Variants in PHACTR1 observed in about 807,000 individuals in gnomAD.
The protein encoded by PHACTR1 is phosphatase and actin regulator 1.
PHACTR1 carries 16 observed loss-of-function variants against 69.2 expected under a neutral mutation model. The ratio of observed to expected loss-of-function variants is 0.23; its 90% CI spans 0.16 to 0.35. The LOEUF is 0.35. Among genes scored for constraint, PHACTR1 ranks in the 10% least tolerant of loss-of-function variants. The pLI is 1.00. For missense variants in PHACTR1, 510 were observed against 734.7 expected, an observed-to-expected ratio of 0.69 and a Z score of 3.54; for synonymous variants, 312 against 284.5, an observed-to-expected ratio of 1.10 and a Z score of -0.97.
rs116844327 is a variant in PHACTR1 at position 12,780,611 on chromosome 6, C to A, written c.250+30821C>A. On this transcript the variant is annotated intron_variant, in intron 4 of 14. Transcript: ENST00000332995. Reference sequence around the variant, plus strand: ...TAGTACACATCGCTAATACCTCTCTCATTTGCATGCATAATGACCAACTCT... The same window carrying A: ...TAGTACACATCGCTAATACCTCTCTAATTTGCATGCATAATGACCAACTCT... Among the ~76,000 whole-genome samples the A allele has an allele frequency of 2.8e-4, 42 of 152,310 alleles. No homozygotes were observed. In the East Asian group the frequency reaches 8.1e-3, roughly 29 times the overall value.
At position 13,206,036 on chromosome 6, in the gene PHACTR1, C is replaced by A; in HGVS notation, c.886C>A (p.Leu296Ile). The change falls in exon 8 of 15, where the codon CTC becomes ATC. Residue 296 changes from leucine to isoleucine, a missense_variant. Around this residue, in one of 2 missense-constraint regions of PHACTR1, gnomAD observed 419 missense variants for 530.9 expected, o/e 0.79. Transcript: ENST00000332995. ...QLQYGSHGQHLPSTTGSLPMH... is the reference protein window; with the variant it reads ...QLQYGSHGQHIPSTTGSLPMH... ...GCAGTACGGCAGCCACGGCCAGCAC[C>A]TCCCCTCCACCACCGGCTCCCTCCC... 1.2e-6 allele frequency: 2 copies of A among 1,613,966 alleles called. No individual in the cohort carries two copies. Among genetic ancestry groups the A allele is most frequent in the Non-Finnish European group, 1.7e-6 (2 of 1,179,880 alleles).
At chr6:13,073,900 T>A (rs1371366455) in intron 5 of PHACTR1, among the ~76,000 whole-genome samples, 1 of 149,244 alleles carries the variant, frequency 6.7e-6, no homozygotes, top group Non-Finnish European at 1.5e-5. Flanking sequence ...TGAGATGGAG[T>A]CTTGCCGTGT....
chr6:13,157,915 G>A (rs951526298), intron 5 of PHACTR1, among the ~76,000 whole-genome samples: 2 of 151,606 alleles, frequency 1.3e-5, no homozygotes, highest in African/African-American at 2.4e-5. Context: ...CAGAGTCTCC[G>A]TGGGTTGCCC....
intron 7 of PHACTR1, among the ~76,000 whole-genome samples, chr6:13,189,220 ATTG>A (rs1763187684): frequency 6.6e-6 from 1 of 152,172 alleles, no homozygotes; most frequent in African/African-American, 2.4e-5. Context: ...ACTCTTTGAT[ATTG>A]TTATCATTAT....
intron 4 of PHACTR1, among the ~76,000 whole-genome samples, chr6:13,027,820 C>T (rs917692966): frequency 2.0e-5 from 3 of 152,110 alleles, no homozygotes; most frequent in Non-Finnish European, 4.4e-5. Flanking sequence ...GGATTACAGG[C>T]ATGCGCCACC....
intron 3 of PHACTR1, among the ~76,000 whole-genome samples, chr6:12,723,178 C>A (rs1762339605): frequency 6.6e-6 from 1 of 152,126 alleles, no homozygotes; most frequent in African/African-American, 2.4e-5. Context: ...GGAGGGCCAG[C>A]CCCAGGCTCC....
intron 10 of PHACTR1, among the ~76,000 whole-genome samples, chr6:13,235,100 T>C (rs1371962165): frequency 6.6e-6 from 1 of 152,192 alleles, no homozygotes. Flanking sequence ...ATTGATGAAG[T>C]TCTCTTAGAA....
intron 7 of PHACTR1, among the ~76,000 whole-genome samples, chr6:13,193,133 C>T (rs1045812478): frequency 6.6e-6 from 1 of 151,890 alleles, no homozygotes; most frequent in Non-Finnish European, 1.5e-5. Flanking sequence ...CAGGCATGCT[C>T]TTACACACAC....
intron 4 of PHACTR1, among the ~76,000 whole-genome samples, chr6:12,973,023 T>A (rs1794424158): frequency 1.3e-5 from 2 of 152,166 alleles, no homozygotes; most frequent in African/African-American, 4.8e-5. Context: ...GCATTCCTTT[T>A]ATAGGGACCC....
At chr6:12,993,496 G>A (rs926239211) in intron 4 of PHACTR1, among the ~76,000 whole-genome samples, 1 of 152,186 alleles carries the variant, frequency 6.6e-6, no homozygotes, top group African/African-American at 2.4e-5. Context: ...ACGGAGGGCT[G>A]GAGTTTCAAT....
intron 4 of PHACTR1, among the ~76,000 whole-genome samples, chr6:12,827,185 A>G (rs1342714717): frequency 6.6e-6 from 1 of 152,144 alleles, no homozygotes; most frequent in African/African-American, 2.4e-5. Context: ...TCTTTTACTT[A>G]ATTACTTTAG....
chr6:13,172,206 G>A (rs901934859), intron 6 of PHACTR1, among the ~76,000 whole-genome samples: 1 of 152,118 alleles, frequency 6.6e-6, no homozygotes, highest in Non-Finnish European at 1.5e-5. Context: ...GTGACATTCT[G>A]TTCATTTATA....
chr6:13,137,396 A>C (rs1038128257), intron 5 of PHACTR1, among the ~76,000 whole-genome samples: 4 of 152,250 alleles, frequency 2.6e-5, no homozygotes, highest in Non-Finnish European at 5.9e-5. Context: ...CCAATGTCTT[A>C]ACTATGAAGA....
intron 4 of PHACTR1, among the ~76,000 whole-genome samples, chr6:12,882,192 CAG>C (rs1340335792): frequency 5.3e-5 from 8 of 151,986 alleles, no homozygotes; most frequent in Admixed American, 5.2e-4. Context: ...GCATGGGAAA[CAG>C]GGTGAAAAAT....
chr6:12,804,990 A>T (rs1163192874), intron 4 of PHACTR1, among the ~76,000 whole-genome samples: 1 of 152,296 alleles, frequency 6.6e-6, no homozygotes, highest in East Asian at 1.9e-4. Flanking sequence ...TCACTGCTTC[A>T]TATGCTATTC....
intron 10 of PHACTR1, among the ~76,000 whole-genome samples, chr6:13,241,179 G>C (rs754537879): frequency 6.6e-6 from 1 of 152,204 alleles, no homozygotes; most frequent in Non-Finnish European, 1.5e-5. Flanking sequence ...TCAAGGGAGA[G>C]ATAAGGCATG....
intron 6 of PHACTR1, among the ~76,000 whole-genome samples, chr6:13,163,966 C>T (rs1759417425): frequency 6.6e-6 from 1 of 151,798 alleles, no homozygotes; most frequent in Non-Finnish European, 1.5e-5. Context: ...TTCTTCAAAC[C>T]TTTTATGTGC....
At chr6:12,948,677 A>G (rs1377274351) in intron 4 of PHACTR1, among the ~76,000 whole-genome samples, 1 of 152,210 alleles carries the variant, frequency 6.6e-6, no homozygotes, top group Non-Finnish European at 1.5e-5. Flanking sequence ...CTAAGCTTTG[A>G]ACCCCATGTT....
intron 4 of PHACTR1, among the ~76,000 whole-genome samples, chr6:12,992,245 G>C (rs1008474432): frequency 6.6e-6 from 1 of 151,966 alleles, no homozygotes; most frequent in African/African-American, 2.4e-5. Context: ...CCCTTCATGG[G>C]GCTTCATATT....
Sources: allele counts gnomAD v4.1 joint callset (sites outside exome capture counted in the v4.1 genomes callset), GRCh38; gene constraint gnomAD v4.1.1; regional missense constraint gnomAD v4.1.1; transcripts MANE v1.5; gene names NCBI Gene and HGNC (gene_info 2026-07-23, HGNC 2026-07-21).